Variants in PHACTR2 observed in about 807,000 individuals in gnomAD.
The protein encoded by PHACTR2 is phosphatase and actin regulator 2.
In PHACTR2, 30 loss-of-function variants were observed where a neutral mutation model predicts 76.0. The ratio of observed to expected loss-of-function variants is 0.39; its 90% CI spans 0.30 to 0.54. The LOEUF (loss-of-function observed/expected upper bound fraction) is 0.54. Ranked by LOEUF, PHACTR2 falls within the 20% of genes least tolerant of loss-of-function variation. The pLI, the probability that PHACTR2 is intolerant of heterozygous loss-of-function variation, is 0.61. For synonymous variants in PHACTR2, 292 were observed against 292.5 expected, an observed-to-expected ratio of 1.00 and a Z score of 0.02; for missense variants, 696 against 781.1, an observed-to-expected ratio of 0.89 and a Z score of 1.30.
intron 1 of PHACTR2, among the ~76,000 whole-genome samples, chr6:143,669,947 G>A (rs567533905): frequency 2.0e-5 from 3 of 152,104 alleles, no homozygotes; most frequent in Non-Finnish European, 2.9e-5. Flanking sequence ...TCATAGTGTC[G>A]ATGGACTTTA....
chr6:143,792,647 A>C (rs569978002), intron 11 of PHACTR2, among the ~76,000 whole-genome samples: 1 of 152,174 alleles, frequency 6.6e-6, no homozygotes. Context: ...TCAGCTGACA[A>C]ATAGGCTACT....
chr6:143,751,912 A>G lies in PHACTR2; in HGVS notation c.296-1842A>G, dbSNP rs1056042260. Among the ~76,000 whole-genome samples, 2 of 151,992 alleles carry G rather than the reference A, an allele frequency of 1.3e-5. No individual in the cohort carries two copies. Among genetic ancestry groups the G allele is most frequent in the African/African-American group, 2.4e-5 (1 of 41,392 alleles). On this transcript the variant is annotated intron_variant, in intron 3 of 12. Transcript: ENST00000440869. This position sits in a 1 kb window ranked among gnomAD's most constrained non-coding sequence, Gnocchi z 5.7. ...AGCCTTTTCAATATACACACCAGCT[A>G]ATTAATAACTTTACTTCCCCTCTGT...
intron 2 of PHACTR2, among the ~76,000 whole-genome samples, chr6:143,721,657 C>CTG (rs888883642): frequency 2.9e-4 from 42 of 145,306 alleles, no homozygotes; most frequent in Non-Finnish European, 3.3e-4. Flanking sequence ...GTGTGTGTGT[C>CTG]TGTGTGTGTG....
Position 143,548,589 on chromosome 6 carries a change from G to A in PHACTR2, c.217+11382G>A, listed in dbSNP as rs900438157. Among the ~76,000 whole-genome samples the A allele has an allele frequency of 3.9e-5, 6 of 152,116 alleles. No homozygotes were observed. Among genetic ancestry groups the A allele is most frequent in the East Asian group, 1.9e-4 (1 of 5,178 alleles). On this transcript the variant is annotated intron_variant, in intron 1 of 11. Coordinates refer to the PHACTR2 transcript ENST00000367584. The surrounding 1 kb of genome is among the most constrained non-coding windows in gnomAD (Gnocchi z 4.5). ...GCCATTCCTGACACCAGCTATATCC[G>A]TTTTGTTGGACAGAGACCACTGGGG...
intron 1 of PHACTR2, among the ~76,000 whole-genome samples, chr6:143,563,270 C>A (rs1426680876): frequency 1.3e-5 from 2 of 152,036 alleles, no homozygotes; most frequent in African/African-American, 2.4e-5. Context: ...GCACTATAGG[C>A]TTTTTATCAA....
rs1775169400 is a variant in PHACTR2, at chr6:143,556,034, C to A, written c.217+18827C>A. Among the ~76,000 whole-genome samples, 1 of 150,950 alleles carries A rather than the reference C, an allele frequency of 6.6e-6. No homozygotes were observed. Among genetic ancestry groups the A allele is most frequent in the Non-Finnish European group, 1.5e-5 (1 of 67,856 alleles). Reference sequence around the variant, plus strand: ...AGAAAAAAAACAAAAAGAAAAGAGACCAAACCTTTTACTCTTAGTAATTAA... The same window carrying A: ...AGAAAAAAAACAAAAAGAAAAGAGAACAAACCTTTTACTCTTAGTAATTAA... On this transcript the variant is annotated intron_variant, in intron 1 of 11. Coordinates refer to the PHACTR2 transcript ENST00000367584. This position sits in a 1 kb window ranked among gnomAD's most constrained non-coding sequence, Gnocchi z 4.3.
At position 143,794,096 on chromosome 6, in the gene PHACTR2, T is replaced by C. The variant is rs1775776165; in HGVS notation, c.1845+5186T>C. Among the ~76,000 whole-genome samples the C allele has an allele frequency of 6.6e-6, 1 of 151,920 alleles. No homozygotes were observed. The highest frequency in any genetic ancestry group is 1.5e-5 in the Non-Finnish European group (1 of 67,982). On this transcript the variant is annotated intron_variant, in intron 11 of 12. Transcript: ENST00000440869. This position sits in a 1 kb window ranked among gnomAD's most constrained non-coding sequence, Gnocchi z 4.1. ...GAACCACTTTAATGCACGGTACTTT[T>C]AATAATTTCTAAAAATACCATTTAC...
rs1381155622 is a variant in PHACTR2 at position 143,578,105 on chromosome 6, A to G, written c.217+40898A>G. On this transcript the variant is annotated intron_variant, in intron 1 of 11. Coordinates refer to the PHACTR2 transcript ENST00000367584. The surrounding 1 kb of genome is among the most constrained non-coding windows in gnomAD (Gnocchi z 4.5). Reference sequence around the variant, plus strand: ...TTCCCTCTCATGGATTAAATCAGCCATAGTCCAAATGCAAAGAGGGAAGGA... The same window carrying G: ...TTCCCTCTCATGGATTAAATCAGCCGTAGTCCAAATGCAAAGAGGGAAGGA... Among the ~76,000 whole-genome samples the G allele has an allele frequency of 6.6e-6, 1 of 152,154 alleles. No homozygotes were observed. The highest frequency in any genetic ancestry group is 6.5e-5 in the Admixed American group (1 of 15,274).
rs79618807 is a variant in PHACTR2, at chr6:143,750,684, C to T, written c.295+1619C>T. Among the ~76,000 whole-genome samples, 1,602 of 152,186 alleles carry T rather than the reference C, an allele frequency of 0.011. 27 individuals carry two copies. The highest frequency in any genetic ancestry group is 0.037 in the African/African-American group (1,525 of 41,504). On this transcript the variant is annotated intron_variant, in intron 3 of 12. Transcript: ENST00000440869. The surrounding 1 kb of genome is among the most constrained non-coding windows in gnomAD (Gnocchi z 4.6). ...TTTAAAGAAATGATTTTTATTCTGC[C>T]GAATCTGTGAAACTATTTGCCTCAT...
chr6:143,785,029 C>T (rs944819508), intron 10 of PHACTR2, among the ~76,000 whole-genome samples: 12 of 152,154 alleles, frequency 7.9e-5, no homozygotes, highest in Non-Finnish European at 7.3e-5. Context: ...CTCATGTCCT[C>T]ACATTTCAAA....
chr6:143,704,549 A>G (rs1394063320), intron 1 of PHACTR2, among the ~76,000 whole-genome samples: 3 of 152,214 alleles, frequency 2.0e-5, no homozygotes, highest in East Asian at 3.9e-4. Context: ...TTGATTTTAG[A>G]ATAGTTTTAG....
chr6:143,664,230 T>A lies in PHACTR2; in HGVS notation c.14-47786T>A, dbSNP rs1776995098. Among the ~76,000 whole-genome samples, 1 of 152,118 alleles carries A rather than the reference T, an allele frequency of 6.6e-6. No homozygotes were observed. Among genetic ancestry groups the A allele is most frequent in the Non-Finnish European group, 1.5e-5 (1 of 67,994 alleles). ...TAATATTGAGATTATAAATTTTCTT[T>A]TGGTAAGAATTTTCTTAGTAAATAT... is the stretch of plus-strand genomic sequence containing the variant. On this transcript the variant is annotated intron_variant, in intron 1 of 11. Transcript: ENST00000305766. The surrounding 1 kb of genome is among the most constrained non-coding windows in gnomAD (Gnocchi z 5.1).
rs1311546112 is a variant in PHACTR2, at chr6:143,558,818, T to G, written c.217+21611T>G. Reference sequence around the variant, plus strand: ...GACCTCTGAGGAGGATTTCAGGACCTTGCTGCAAACAGTGGACCAGTAATG... The same window carrying G: ...GACCTCTGAGGAGGATTTCAGGACCGTGCTGCAAACAGTGGACCAGTAATG... On this transcript the variant is annotated intron_variant, in intron 1 of 11. Coordinates refer to the PHACTR2 transcript ENST00000367584. The surrounding 1 kb of genome is among the most constrained non-coding windows in gnomAD (Gnocchi z 4.7). 6.6e-6 allele frequency among the ~76,000 whole-genome samples: 1 copy of G among 152,178 alleles called. No individual in the cohort carries two copies. Among genetic ancestry groups the G allele is most frequent in the African/African-American group, 2.4e-5 (1 of 41,438 alleles).
intron 1 of PHACTR2, among the ~76,000 whole-genome samples, chr6:143,587,678 T>G (rs9496687): frequency 6.6e-6 from 1 of 151,894 alleles, no homozygotes; most frequent in African/African-American, 2.4e-5. Context: ...ACTCACTACT[T>G]TTTCATCCAT....
chr6:143,571,728 T>A lies in PHACTR2; in HGVS notation c.217+34521T>A, dbSNP rs539424655. Among the ~76,000 whole-genome samples the A allele has an allele frequency of 6.6e-6, 1 of 152,308 alleles. No homozygotes were observed. Among genetic ancestry groups the A allele is most frequent in the Admixed American group, 6.5e-5 (1 of 15,294 alleles). On this transcript the variant is annotated intron_variant, in intron 1 of 11. Coordinates refer to the PHACTR2 transcript ENST00000367584. This position sits in a 1 kb window ranked among gnomAD's most constrained non-coding sequence, Gnocchi z 4.6. ...GTGTCCATTTGCCATGCTCCCATCA[T>A]TAAAAAAATCATTTCCTTACTTTCT...
chr6:143,755,912 C>T lies in PHACTR2; in HGVS notation c.454+2000C>T, dbSNP rs1470094050. Among the ~76,000 whole-genome samples, 1 of 152,088 alleles carries T rather than the reference C, an allele frequency of 6.6e-6. No individual in the cohort carries two copies. Among genetic ancestry groups the T allele is most frequent in the Non-Finnish European group, 1.5e-5 (1 of 68,034 alleles). ...ATTCTGAAGACCAACTCAAGCTTCA[C>T]TTTTGCCTCTGCTCCTCTTCTGGTC... On this transcript the variant is annotated intron_variant, in intron 4 of 12. Transcript: ENST00000440869. This position sits in a 1 kb window ranked among gnomAD's most constrained non-coding sequence, Gnocchi z 5.2.
intron 2 of PHACTR2, among the ~76,000 whole-genome samples, chr6:143,726,447 G>A (rs1172308220): frequency 6.6e-6 from 1 of 152,088 alleles, no homozygotes; most frequent in Non-Finnish European, 1.5e-5. Flanking sequence ...TGCCCCCCCA[G>A]TAACCCACCA....
In PHACTR2 at chr6:143,825,075, A is replaced by G. The variant is rs978437189; in HGVS notation, c.*1386A>G. The G allele has an allele frequency of 8.5e-5, 13 of 152,652 alleles. No homozygotes were observed. The highest frequency in any genetic ancestry group is 1.6e-4 in the Non-Finnish European group (11 of 68,036). 9.5% of individuals were successfully genotyped at this position (152,652 alleles called of 1,614,324 possible). A position where few individuals can be genotyped will look rare whatever the true frequency, so the allele number is the denominator to read the frequency against. On this transcript the variant is annotated 3_prime_UTR_variant, in exon 13 of 13. Coordinates refer to ENST00000440869, the MANE Select transcript of PHACTR2 (RefSeq NM_001100164.2). The surrounding 1 kb of genome is among the most constrained non-coding windows in gnomAD (Gnocchi z 4.1). The stretch of plus-strand genomic sequence containing the variant: ...CACTATGACTTCTGCTCCCAAATAC[A>G]TATGACCATATGTAAATACCACCTT...
chr6:143,748,742 C>A (rs1363563758), intron 2 of PHACTR2, among the ~76,000 whole-genome samples: 1 of 152,180 alleles, frequency 6.6e-6, no homozygotes, highest in African/African-American at 2.4e-5. Flanking sequence ...GGACGCCAGG[C>A]CAAAGGTGGC....
Sources: gnomAD v4.1 joint callset for allele counts (sites outside exome capture counted in the v4.1 genomes callset) on GRCh38, gnomAD v4.1.1 for gene constraint, Gnocchi (gnomAD v3.1) non-coding constraint, MANE v1.5 for transcripts, NCBI Gene and HGNC (gene_info 2026-07-23, HGNC 2026-07-21) for gene names.